The following PRELID2 variants were observed in gnomAD, a reference collection of about 807,000 sequenced individuals.
PRELID2 encodes PRELI domain-containing protein 2.
PRELID2 carries 25 observed loss-of-function variants against 28.4 expected under a neutral mutation model. The ratio of observed to expected loss-of-function variants is 0.88; its 90% CI spans 0.64 to 1.23. The LOEUF (loss-of-function observed/expected upper bound fraction) is 1.23. Ranked by LOEUF, PRELID2 falls within the 50% of genes most tolerant of loss-of-function variation. The pLI is 0.00. For synonymous variants in PRELID2, 76 were observed against 71.6 expected (o/e 1.06, Z -0.31); for missense variants, 201 against 214.4 (o/e 0.94, Z 0.39).
At chr5:145,811,073 G>A (rs1395769384) in intron 4 of PRELID2, among the ~76,000 whole-genome samples, 1 of 92,090 alleles carries the variant, frequency 1.1e-5, no homozygotes, top group African/African-American at 4.3e-5. Context: ...CGTCTTACAT[G>A]GCAGCAGGCA....
At chr5:145,509,675 T>C (rs1752444297) in intron 1 of PRELID2, among the ~76,000 whole-genome samples, 1 of 152,242 alleles carries the variant, frequency 6.6e-6, no homozygotes, top group Admixed American at 6.5e-5. Flanking sequence ...GCTCTTAGGA[T>C]AGAAACAAAC....
intron 1 of PRELID2, among the ~76,000 whole-genome samples, chr5:145,647,241 T>G (rs931283270): frequency 6.6e-6 from 1 of 152,186 alleles, no homozygotes; most frequent in Non-Finnish European, 1.5e-5. Flanking sequence ...GGAGGCAGTC[T>G]GGCCACAGCA....
chr5:145,290,872 T>G, the PRELID2 span, among the ~76,000 whole-genome samples: 1 of 151,944 alleles, frequency 6.6e-6, no homozygotes, highest in Non-Finnish European at 1.5e-5. Flanking sequence ...GCAGTGTCTG[T>G]CACAGAGCAG....
chr5:145,432,709 A>T, the PRELID2 span, among the ~76,000 whole-genome samples: 1 of 152,068 alleles, frequency 6.6e-6, no homozygotes, highest in East Asian at 1.9e-4. Context: ...TGTGAAAAGG[A>T]TTTGCAAAAC....
At chr5:145,308,795 T>G in the PRELID2 span, among the ~76,000 whole-genome samples, 8 of 152,202 alleles carry the variant, frequency 5.3e-5, no homozygotes, top group Non-Finnish European at 8.8e-5. Flanking sequence ...ATAGGAATGC[T>G]TCCTGAAAGG....
At chr5:145,302,207 T>C in the PRELID2 span, among the ~76,000 whole-genome samples, 5 of 152,230 alleles carry the variant, frequency 3.3e-5, no homozygotes, top group East Asian at 7.7e-4. Context: ...TCCCCCAGGC[T>C]GGAGTGCAAT....
the PRELID2 span, among the ~76,000 whole-genome samples, chr5:145,246,475 G>A: frequency 5.0e-4 from 76 of 152,234 alleles, no homozygotes; most frequent in African/African-American, 1.7e-3. Flanking sequence ...AGATAAAAGT[G>A]TGGTATATTA....
At chr5:145,738,686 T>C (rs1205331631) in intron 1 of PRELID2, among the ~76,000 whole-genome samples, 1 of 152,068 alleles carries the variant, frequency 6.6e-6, no homozygotes, top group Non-Finnish European at 1.5e-5. Context: ...CTTCAAGATA[T>C]GTGGGACTAA....
At chr5:145,645,660 A>T (rs1000251561) in intron 1 of PRELID2, among the ~76,000 whole-genome samples, 3 of 152,090 alleles carry the variant, frequency 2.0e-5, no homozygotes, top group African/African-American at 7.2e-5. Context: ...ATGCTTTTGC[A>T]GTGGCTGATA....
At chr5:145,734,225 C>T (rs146231653) in intron 1 of PRELID2, among the ~76,000 whole-genome samples, 98 of 152,282 alleles carry the variant, frequency 6.4e-4, no homozygotes, top group Middle Eastern at 3.4e-3. Flanking sequence ...AAGCAATCCT[C>T]GCACCTCAGC....
At position 145,796,541 on chromosome 5, in the gene PRELID2, C is replaced by A. The variant is rs1168899857; in HGVS notation, c.375G>T (p.Glu125Asp). 1 of 1,595,712 alleles carries A rather than the reference C, an allele frequency of 6.3e-7. No homozygotes were observed. The highest frequency in any genetic ancestry group is 2.3e-5 in the East Asian group (1 of 44,214). Residue 125 changes from glutamate (E) to aspartate (D), a missense_variant, in exon 5 of 7, where the codon GAG becomes GAT. By Grantham distance (45) the Glu-to-Asp change is conservative (BLOSUM62 2). Transcript: ENST00000683046. ...TTGAAATCCTGCCTCTTTGAATGAA[C>A]TCTGTCCTGCAAAAAAAACAAAAAA... is the stretch of plus-strand genomic sequence containing the variant. ...RESMENPNWT[E>D]FIQRGRISIT...
At chr5:145,318,229 C>A in the PRELID2 span, among the ~76,000 whole-genome samples, 2 of 152,048 alleles carry the variant, frequency 1.3e-5, no homozygotes, top group East Asian at 1.9e-4. Context: ...CATAGTGGTG[C>A]CTTCTATATT....
chr5:145,419,598 T>C, the PRELID2 span, among the ~76,000 whole-genome samples: 4 of 148,456 alleles, frequency 2.7e-5, no homozygotes, highest in African/African-American at 9.9e-5. Context: ...TCTTGTAAAT[T>C]TGTTTGAGTT....
chr5:145,357,981 G>T, the PRELID2 span, among the ~76,000 whole-genome samples: 2 of 151,472 alleles, frequency 1.3e-5, no homozygotes, highest in Non-Finnish European at 2.9e-5. Flanking sequence ...GGTGGGTTTA[G>T]TCAACTGGCT....
chr5:145,673,577 A>T (rs939053981), intron 1 of PRELID2, among the ~76,000 whole-genome samples: 1 of 152,164 alleles, frequency 6.6e-6, no homozygotes, highest in Non-Finnish European at 1.5e-5. Context: ...ATAAAACAAC[A>T]TAACACAACT....
intron 1 of PRELID2, among the ~76,000 whole-genome samples, chr5:145,720,398 G>C (rs1332719871): frequency 6.6e-6 from 1 of 151,642 alleles, no homozygotes; most frequent in Admixed American, 6.6e-5. Flanking sequence ...AGAATTGTTA[G>C]CATCAGACTT....
chr5:145,275,548 A>C, the PRELID2 span, among the ~76,000 whole-genome samples: 1 of 152,124 alleles, frequency 6.6e-6, no homozygotes, highest in Non-Finnish European at 1.5e-5. Context: ...GAAGGGTTGC[A>C]TGAAGCCGGT....
intron 1 of PRELID2, among the ~76,000 whole-genome samples, chr5:145,632,017 T>C (rs565101030): frequency 1.6e-4 from 24 of 152,282 alleles, no homozygotes; most frequent in African/African-American, 5.8e-4. Context: ...TAAAATAACA[T>C]CTGATCCACT....
the PRELID2 span, among the ~76,000 whole-genome samples, chr5:145,266,446 C>A: frequency 6.6e-6 from 1 of 151,394 alleles, no homozygotes; most frequent in Admixed American, 6.6e-5. Flanking sequence ...AAATGCTCAA[C>A]ATCACTAATG....
Sources: allele counts gnomAD v4.1 joint callset (sites outside exome capture counted in the v4.1 genomes callset), GRCh38; gene constraint gnomAD v4.1.1; transcripts MANE v1.5; gene names NCBI Gene and HGNC (gene_info 2026-07-23, HGNC 2026-07-21).